Variants in GADL1 observed in about 807,000 individuals in gnomAD.
The protein encoded by GADL1 is acidic amino acid decarboxylase GADL1.
Under a neutral mutation model 69.5 loss-of-function variants are expected in GADL1, and 71 were observed. The observed-to-expected ratio is 1.02, with a 90% CI of 0.84 to 1.25. The LOEUF (loss-of-function observed/expected upper bound fraction) is 1.25, where lower values mean the gene tolerates loss of function less well. Among genes scored for constraint, GADL1 ranks in the 50% most tolerant of loss-of-function variants. The probability of loss-of-function intolerance (pLI) is 0.00; values close to 1 mark genes in which losing one functional copy is unlikely to be tolerated. For missense variants in GADL1, 737 were observed against 631.8 expected (o/e 1.17, Z -1.79); for synonymous variants, 254 against 214.4 (o/e 1.18, Z -1.62).
intron 11 of GADL1, among the ~76,000 whole-genome samples, chr3:30,815,994 G>A (rs1430366773): frequency 6.6e-6 from 1 of 152,130 alleles, no homozygotes; most frequent in East Asian, 1.9e-4. Context: ...AGTGGGAAGG[G>A]GGAATAGTCC....
At chr3:30,838,271 A>G (rs1038662875) in intron 9 of GADL1, among the ~76,000 whole-genome samples, 1 of 152,172 alleles carries the variant, frequency 6.6e-6, no homozygotes, top group Non-Finnish European at 1.5e-5. Flanking sequence ...AAAGAAAATT[A>G]AAAAGCTCCA....
intron 9 of GADL1, among the ~76,000 whole-genome samples, chr3:30,837,423 C>T (rs1260035785): frequency 2.0e-5 from 3 of 152,042 alleles, no homozygotes; most frequent in Non-Finnish European, 4.4e-5. Context: ...CAGATGTATA[C>T]TATGCACAAA....
At chr3:30,856,007 C>G (rs1698226358) in intron 3 of GADL1, among the ~76,000 whole-genome samples, 2 of 149,856 alleles carry the variant, frequency 1.3e-5, no homozygotes, top group Admixed American at 1.3e-4. Flanking sequence ...TGATTGATTT[C>G]CATGGTAACA....
At chr3:30,887,547 A>G (rs919319582) in intron 1 of GADL1, among the ~76,000 whole-genome samples, 1 of 152,170 alleles carries the variant, frequency 6.6e-6, no homozygotes, top group African/African-American at 2.4e-5. Flanking sequence ...GGTTCTCACT[A>G]GATGCACCCA....
intron 13 of GADL1, among the ~76,000 whole-genome samples, chr3:30,783,175 A>G (rs1184914106): frequency 6.6e-6 from 1 of 152,196 alleles, no homozygotes; most frequent in Non-Finnish European, 1.5e-5. Flanking sequence ...AACTCAGTTG[A>G]TGAAACATTA....
intron 14 of GADL1, among the ~76,000 whole-genome samples, chr3:30,764,258 C>T (rs1696214052): frequency 6.6e-6 from 1 of 152,120 alleles, no homozygotes; most frequent in Admixed American, 6.5e-5. Flanking sequence ...TTTCCCTACT[C>T]AAATTTGTAA....
intron 1 of GADL1, among the ~76,000 whole-genome samples, chr3:30,863,757 TAGTG>T (rs1327945314): frequency 3.3e-5 from 5 of 152,024 alleles, no homozygotes; most frequent in African/African-American, 1.2e-4. Context: ...CTTCTACTCT[TAGTG>T]AGGGCTCTAA....
intron 4 of GADL1, among the ~76,000 whole-genome samples, chr3:30,851,357 A>T (rs541864824): frequency 1.3e-4 from 20 of 152,178 alleles, no homozygotes; most frequent in Non-Finnish European, 2.6e-4. Flanking sequence ...TGCCATGAGT[A>T]TGCTAACAGT....
At chr3:30,860,938 C>A (rs938315013) in intron 2 of GADL1, among the ~76,000 whole-genome samples, 3 of 151,872 alleles carry the variant, frequency 2.0e-5, no homozygotes, top group Non-Finnish European at 2.9e-5. Flanking sequence ...CCTTTTAGTG[C>A]TTTTGAAAGG....
chr3:30,855,611 T>C (rs932526011), intron 3 of GADL1, among the ~76,000 whole-genome samples: 45 of 152,194 alleles, frequency 3.0e-4, no homozygotes, highest in Non-Finnish European at 2.8e-4. Context: ...TTTTAATTTT[T>C]TTCCCCCCTC....
Position 30,768,392 on chromosome 3 carries a change from G to T in GADL1, c.1392+9787C>A, listed in dbSNP as rs555281880. On this transcript the variant is annotated intron_variant, in intron 14 of 14. Transcript: ENST00000282538. Reference sequence around the variant, plus strand: ...TGAAGATTTTTATTTTCAGGAGTTTGGTCCAAAGGGATGAGGAAAGAGACA... The same window carrying T: ...TGAAGATTTTTATTTTCAGGAGTTTTGTCCAAAGGGATGAGGAAAGAGACA... Among the ~76,000 whole-genome samples, 5 of 152,154 alleles carry T rather than the reference G, an allele frequency of 3.3e-5. No homozygotes were observed. The South Asian group carries it at 6.2e-4, about 19-fold the overall frequency.
intron 14 of GADL1, among the ~76,000 whole-genome samples, chr3:30,760,714 A>ATT (rs1468522280): frequency 6.6e-6 from 1 of 152,174 alleles, no homozygotes; most frequent in Non-Finnish European, 1.5e-5. Flanking sequence ...ATTTGAAATC[A>ATT]TTCTTGTAAA....
chr3:30,819,695 T>C (rs985692498), intron 11 of GADL1, among the ~76,000 whole-genome samples: 4 of 151,520 alleles, frequency 2.6e-5, no homozygotes, highest in African/African-American at 7.3e-5. Context: ...GAAAAATAAA[T>C]GCAAAAAGTG....
rs1468555986 is a variant in GADL1, at chr3:30,768,547, GA to G, written c.1392+9631del. Reference sequence around the variant, plus strand: ...AAGAATGAAATTTTGAGAAGGAGAAGAGGGGGAGAGAGAAGGGGTGGGGAGG... The same window carrying G: ...AAGAATGAAATTTTGAGAAGGAGAAGGGGGGAGAGAGAAGGGGTGGGGAGG... On this transcript the variant is annotated intron_variant, in intron 14 of 14. Transcript: ENST00000282538. 3.5e-3 allele frequency among the ~76,000 whole-genome samples: 453 copies of G among 129,214 alleles called. 3 individuals carry two copies. The highest frequency in any genetic ancestry group is 0.011 in the African/African-American group (433 of 38,032). The allele number at this position is 129,214 out of a possible 152,430, so 84.8% of individuals were successfully genotyped here. A position where few individuals can be genotyped will look rare whatever the true frequency, so the allele number is the denominator to read the frequency against.
At chr3:30,764,972 G>A (rs1257025102) in intron 14 of GADL1, among the ~76,000 whole-genome samples, 2 of 152,162 alleles carry the variant, frequency 1.3e-5, no homozygotes, top group African/African-American at 4.8e-5. Flanking sequence ...ATAATCCAAG[G>A]ACAGATTGCA....
intron 1 of GADL1, among the ~76,000 whole-genome samples, chr3:30,866,137 G>A (rs1698399510): frequency 6.6e-6 from 1 of 152,110 alleles, no homozygotes; most frequent in South Asian, 2.1e-4. Flanking sequence ...TTAGCTAACA[G>A]TAGTAAATAA....
intron 11 of GADL1, among the ~76,000 whole-genome samples, chr3:30,804,664 C>T (rs1232343810): frequency 6.6e-6 from 1 of 152,186 alleles, no homozygotes; most frequent in East Asian, 1.9e-4. Context: ...CATTTTCCAC[C>T]CACTGACTCC....
intron 14 of GADL1, among the ~76,000 whole-genome samples, chr3:30,759,015 T>TGCACATAATTTCAAACTTGAGTTAGGTG (rs1301696821): frequency 2.8e-5 from 3 of 106,598 alleles, no homozygotes; most frequent in Non-Finnish European, 6.3e-5. Flanking sequence ...CAGACATACC[T>TGCACATAATTTCAAACTTGAGTTAGGTG]GCACATAATT....
At chr3:30,734,621 A>T (rs987040713) in intron 14 of GADL1, among the ~76,000 whole-genome samples, 5 of 152,212 alleles carry the variant, frequency 3.3e-5, no homozygotes, top group African/African-American at 9.6e-5. Flanking sequence ...ATATAAAAAA[A>T]TTTTTGTGGT....
Sources: gnomAD v4.1 joint callset for allele counts (sites outside exome capture counted in the v4.1 genomes callset) on GRCh38, gnomAD v4.1.1 for gene constraint, MANE v1.5 for transcripts, NCBI Gene and HGNC (gene_info 2026-07-23, HGNC 2026-07-21) for gene names.